The following CTNNA2 variants were observed in gnomAD, a reference collection of about 807,000 sequenced individuals.
The protein encoded by CTNNA2 is catenin alpha-2.
CTNNA2 carries 42 observed loss-of-function variants against 101.0 expected under a neutral mutation model. The ratio of observed to expected loss-of-function variants is 0.42; its 90% CI spans 0.32 to 0.54. The LOEUF is 0.54. Among genes scored for constraint, CTNNA2 ranks in the 20% least tolerant of loss-of-function variants. CTNNA2 has a pLI of 0.14. For synonymous variants in CTNNA2, 450 were observed against 456.4 expected (o/e 0.99, Z 0.18); for missense variants, 871 against 1,223.1 (o/e 0.71, Z 4.29).
At chr2:80,298,193 C>CCTAT (rs1036769163) in intron 7 of CTNNA2, 32 of 151,956 alleles carry the variant, frequency 2.1e-4, no homozygotes, top group African/African-American at 7.0e-4. Context: ...ACATTCTAAA[C>CCTAT]CTATCTCAAA....
intron 7 of CTNNA2, among the ~76,000 whole-genome samples, chr2:80,053,497 G>A (rs1277067260): frequency 9.9e-5 from 15 of 152,190 alleles, no homozygotes; most frequent in Admixed American, 9.2e-4. Flanking sequence ...AGGACTTAAG[G>A]CCATTTGTCC....
chr2:79,499,608 A>AC (rs1671298283), intron 4 of CTNNA2, among the ~76,000 whole-genome samples: 1 of 152,048 alleles, frequency 6.6e-6, no homozygotes, highest in African/African-American at 2.4e-5. Flanking sequence ...ATGTAATAGG[A>AC]CCCCTCTAAA....
intron 7 of CTNNA2, among the ~76,000 whole-genome samples, chr2:80,211,736 T>G (rs935698709): frequency 1.4e-4 from 22 of 152,344 alleles, no homozygotes; most frequent in Non-Finnish European, 2.4e-4. Context: ...TAAAGTAGTT[T>G]TTTTCCAATT....
At chr2:80,568,089 T>C (rs1376787913) in intron 12 of CTNNA2, among the ~76,000 whole-genome samples, 1 of 152,198 alleles carries the variant, frequency 6.6e-6, no homozygotes, top group Non-Finnish European at 1.5e-5. Flanking sequence ...AATAGAATTA[T>C]GAATCTTTCT....
At chr2:79,243,347 A>G (rs928211731) in intron 2 of CTNNA2, among the ~76,000 whole-genome samples, 4 of 152,126 alleles carry the variant, frequency 2.6e-5, no homozygotes, top group Non-Finnish European at 5.9e-5. Flanking sequence ...TCTAAACAGT[A>G]TGTTTTACTA....
intron 2 of CTNNA2, among the ~76,000 whole-genome samples, chr2:79,717,623 A>T (rs1253745007): frequency 6.6e-6 from 1 of 152,128 alleles, no homozygotes; most frequent in Non-Finnish European, 1.5e-5. Context: ...TTCTATAATG[A>T]CTCTGATTCC....
At chr2:79,632,947 G>A (rs1178939034) in intron 1 of CTNNA2, among the ~76,000 whole-genome samples, 1 of 152,192 alleles carries the variant, frequency 6.6e-6, no homozygotes, top group African/African-American at 2.4e-5. Flanking sequence ...GCATGAAAAA[G>A]AGTAGCTGTG....
intron 2 of CTNNA2, among the ~76,000 whole-genome samples, chr2:79,285,111 C>A (rs1447761882): frequency 1.3e-5 from 2 of 151,248 alleles, no homozygotes; most frequent in Non-Finnish European, 2.9e-5. Flanking sequence ...GTGATATCCC[C>A]TTTATCATTT....
chr2:79,744,529 G>C lies in CTNNA2; in HGVS notation c.245G>C (p.Ser82Thr), dbSNP rs1220708457. ...AAGGGTGAACAGATCGCTAAGGAGA[G>C]TCAAGATCTCAAAGAAGAGTTGGTG... ...LEKGEQIAKE[S>T]QDLKEELVAA... The change falls in exon 3 of 19, where the codon AGT becomes ACT. Residue 82 changes from serine (S) to threonine (T), a missense_variant. Around this residue, in one of 5 missense-constraint regions of CTNNA2, gnomAD observed 647 missense variants for 831.5 expected, o/e 0.78. Coordinates refer to ENST00000402739, the MANE Select transcript of CTNNA2 (RefSeq NM_001282597.3). 1 of 1,614,060 alleles carries C rather than the reference G, an allele frequency of 6.2e-7. No homozygotes were observed. Among genetic ancestry groups the C allele is most frequent in the Non-Finnish European group, 8.5e-7 (1 of 1,179,958 alleles).
At chr2:79,333,164 C>T (rs1676914376) in intron 3 of CTNNA2, among the ~76,000 whole-genome samples, 1 of 152,042 alleles carries the variant, frequency 6.6e-6, no homozygotes, top group African/African-American at 2.4e-5. Context: ...AATGAAACTC[C>T]TATTAGAAAA....
At chr2:79,481,764 CT>C (rs1389083317) in intron 4 of CTNNA2, among the ~76,000 whole-genome samples, 2 of 151,926 alleles carry the variant, frequency 1.3e-5, no homozygotes, top group Non-Finnish European at 2.9e-5. Context: ...TGCAATAAAA[CT>C]GTTAAAATAA....
chr2:80,095,520 A>T (rs1463924127), intron 7 of CTNNA2, among the ~76,000 whole-genome samples: 2 of 152,188 alleles, frequency 1.3e-5, no homozygotes, highest in Non-Finnish European at 2.9e-5. Context: ...GGCCTCATCA[A>T]ATGAGTTAGG....
chr2:79,203,370 C>T (rs1422969201), intron 2 of CTNNA2, among the ~76,000 whole-genome samples: 1 of 152,028 alleles, frequency 6.6e-6, no homozygotes, highest in Non-Finnish European at 1.5e-5. Flanking sequence ...TTATTTAACT[C>T]ATATAAAGGA....
At chr2:79,587,278 T>C (rs757667777) in intron 1 of CTNNA2, among the ~76,000 whole-genome samples, 4 of 152,130 alleles carry the variant, frequency 2.6e-5, no homozygotes, top group Admixed American at 6.5e-5. Flanking sequence ...CATATTTGAA[T>C]TAATTTAATA....
chr2:80,180,316 T>C (rs982400364), intron 7 of CTNNA2, among the ~76,000 whole-genome samples: 7 of 152,236 alleles, frequency 4.6e-5, no homozygotes, highest in Admixed American at 2.6e-4. Context: ...ATAATTCAAA[T>C]TAGTTTTTTG....
chr2:79,580,678 T>G (rs1241324626), intron 1 of CTNNA2, among the ~76,000 whole-genome samples: 3 of 152,198 alleles, frequency 2.0e-5, no homozygotes, highest in African/African-American at 7.2e-5. Flanking sequence ...TAAATAGTCA[T>G]AGAGACAAAG....
intron 9 of CTNNA2, among the ~76,000 whole-genome samples, chr2:80,511,160 A>G (rs1352109734): frequency 6.6e-6 from 1 of 152,170 alleles, no homozygotes; most frequent in Non-Finnish European, 1.5e-5. Context: ...CTACCTTTTT[A>G]TGCCTGCTGA....
At chr2:79,467,165 T>C (rs1670946496) in intron 4 of CTNNA2, among the ~76,000 whole-genome samples, 1 of 152,066 alleles carries the variant, frequency 6.6e-6, no homozygotes, top group Non-Finnish European at 1.5e-5. Flanking sequence ...GAATAACCAA[T>C]GTAGAGAAGT....
intron 17 of CTNNA2, among the ~76,000 whole-genome samples, chr2:80,615,721 A>G (rs1254250380): frequency 6.6e-6 from 1 of 151,666 alleles, no homozygotes; most frequent in Non-Finnish European, 1.5e-5. Flanking sequence ...TATTTTGTCA[A>G]GTGCTTTTTC....
Sources: gnomAD v4.1 joint callset for allele counts (sites outside exome capture counted in the v4.1 genomes callset) on GRCh38, gnomAD v4.1.1 for gene constraint, gnomAD v4.1.1 regional missense constraint, MANE v1.5 for transcripts, NCBI Gene and HGNC (gene_info 2026-07-23, HGNC 2026-07-21) for gene names.